The following SFMBT2 variants were observed in gnomAD, a reference collection of about 807,000 sequenced individuals.
The protein encoded by SFMBT2 is Scm like with four mbt domains 2.
SFMBT2 carries 38 observed loss-of-function variants against 110.1 expected under a neutral mutation model. The ratio of observed to expected loss-of-function variants is 0.35; its 90% CI spans 0.27 to 0.45. The LOEUF (loss-of-function observed/expected upper bound fraction) is 0.45. Ranked by LOEUF, SFMBT2 falls within the 20% of genes least tolerant of loss-of-function variation. The probability of loss-of-function intolerance (pLI) is 1.00; values close to 1 mark genes in which losing one functional copy is unlikely to be tolerated. For missense variants in SFMBT2, 1,011 were observed against 1,094.9 expected, an observed-to-expected ratio of 0.92 and a Z score of 1.08; for synonymous variants, 425 against 425.4, an observed-to-expected ratio of 1.00 and a Z score of 0.01.
In SFMBT2 at chr10:7,367,989, A is replaced by G. The variant is rs914917306; in HGVS notation, c.196-100T>C. ...AAAAAATATGGCACTTACAAACAAT[A>G]TTCCTGTTGCTCTAAAACAGGCATG... On this transcript the variant is annotated intron_variant, in intron 3 of 20. Transcript: ENST00000397167. The surrounding 1 kb of genome is among the most constrained non-coding windows in gnomAD (Gnocchi z 6.2). 6.8e-7 allele frequency: 1 copy of G among 1,469,652 alleles called. No individual in the cohort carries two copies. The highest frequency in any genetic ancestry group is 2.3e-5 in the Admixed American group (1 of 44,022). The allele number at this position is 1,469,652 out of a possible 1,614,324, so 91.0% of individuals were successfully genotyped here.
Position 7,188,676 on chromosome 10 carries a change from G to C in SFMBT2, c.1756C>G (p.Gln586Glu). 7 of 1,613,744 alleles carry C rather than the reference G, an allele frequency of 4.3e-6. No homozygotes were observed. The highest frequency in any genetic ancestry group is 5.9e-6 in the Non-Finnish European group (7 of 1,179,806). The change falls in exon 16 of 21, where the codon CAG becomes GAG. Residue 586 changes from glutamine (Q) to glutamate (E), a missense_variant. By Grantham distance (29) the Gln-to-Glu change is conservative (BLOSUM62 2). Transcript: ENST00000397167. ...TTCCAGTGGGGATCTTCTACCAGCT[G>C]TAATTCTCTTAATACCCTTCCAGGC... The part of the protein sequence containing the change: ...YKPGRVLREL[Q>E]LVEDPHWNFQ...
At chr10:7,316,714 C>A (rs1157586594) in intron 4 of SFMBT2, among the ~76,000 whole-genome samples, 1 of 152,128 alleles carries the variant, frequency 6.6e-6, no homozygotes, top group Non-Finnish European at 1.5e-5. Flanking sequence ...TGAAGAGGTT[C>A]CCCTTTCTGG....
At chr10:7,254,526 T>C (rs937379886) in intron 7 of SFMBT2, among the ~76,000 whole-genome samples, 1 of 152,122 alleles carries the variant, frequency 6.6e-6, no homozygotes, top group East Asian at 1.9e-4. Context: ...CTCATGATGA[T>C]AAAAGATTCT....
chr10:7,266,441 A>C (rs1841394907), intron 7 of SFMBT2, among the ~76,000 whole-genome samples: 1 of 152,184 alleles, frequency 6.6e-6, no homozygotes, highest in African/African-American at 2.4e-5. Flanking sequence ...GGAAGGGGCC[A>C]TGCAGGAATC....
intron 8 of SFMBT2, among the ~76,000 whole-genome samples, chr10:7,247,982 G>A (rs748609305): frequency 1.2e-4 from 19 of 152,104 alleles, no homozygotes; most frequent in Non-Finnish European, 2.1e-4. Flanking sequence ...CCAAAGTGCT[G>A]GGATTATAGA....
chr10:7,320,961 C>T (rs1223563365), intron 4 of SFMBT2, among the ~76,000 whole-genome samples: 1 of 152,192 alleles, frequency 6.6e-6, no homozygotes, highest in Admixed American at 6.5e-5. Flanking sequence ...CTAAAAAAAA[C>T]ACTCCTGTTA....
In SFMBT2 at chr10:7,175,821, A is replaced by G. The variant is rs2277223; in HGVS notation, c.1984+169T>C. On this transcript the variant is annotated intron_variant, in intron 17 of 20. Transcript: ENST00000397167. Reference sequence around the variant, plus strand: ...CCCCTCCGTATGTCAGGCTAAAAACACATGTATCTGCTACAGCAAATCCTT... The same window carrying G: ...CCCCTCCGTATGTCAGGCTAAAAACGCATGTATCTGCTACAGCAAATCCTT... Among the ~76,000 whole-genome samples the G allele has an allele frequency of 2.0e-5, 3 of 152,222 alleles. No homozygotes were observed. In the East Asian group the frequency reaches 5.8e-4, roughly 29 times the overall value.
At chr10:7,280,977 A>G (rs966067695) in intron 6 of SFMBT2, among the ~76,000 whole-genome samples, 2 of 152,206 alleles carry the variant, frequency 1.3e-5, no homozygotes, top group African/African-American at 4.8e-5. Flanking sequence ...GGAGTGGTTC[A>G]TGCCTGTAAG....
At chr10:7,282,537 G>C (rs1169727171) in intron 6 of SFMBT2, among the ~76,000 whole-genome samples, 2 of 152,216 alleles carry the variant, frequency 1.3e-5, no homozygotes, top group African/African-American at 4.8e-5. Flanking sequence ...AACACGACAG[G>C]CTCTTTGTTT....
intron 7 of SFMBT2, among the ~76,000 whole-genome samples, chr10:7,271,947 G>A (rs1444388817): frequency 6.6e-6 from 1 of 152,176 alleles, no homozygotes; most frequent in Non-Finnish European, 1.5e-5. Context: ...CACAACATGT[G>A]GGAATTCTGG....
Position 7,171,597 on chromosome 10 carries a change from C to T in SFMBT2, c.2415+298G>A, listed in dbSNP as rs1837873254. 2 of 983,740 alleles carry T rather than the reference C, an allele frequency of 2.0e-6. No individual in the cohort carries two copies. Among genetic ancestry groups the T allele is most frequent in the South Asian group, 9.4e-5 (2 of 21,264 alleles). 60.9% of individuals were successfully genotyped at this position (983,740 alleles called of 1,614,324 possible). On this transcript the variant is annotated intron_variant, in intron 19 of 20. Transcript: ENST00000397167. The surrounding 1 kb of genome is among the most constrained non-coding windows in gnomAD (Gnocchi z 4.9). Reference sequence around the variant, plus strand: ...GATGCGGGGAAGGAATTTCTGGAAACCCAGACTTCAAAGGAAACTGAGGAC... The same window carrying T: ...GATGCGGGGAAGGAATTTCTGGAAATCCAGACTTCAAAGGAAACTGAGGAC...
intron 1 of SFMBT2, among the ~76,000 whole-genome samples, chr10:7,391,540 A>G (rs1448632964): frequency 1.3e-5 from 2 of 151,888 alleles, no homozygotes; most frequent in Non-Finnish European, 2.9e-5. Context: ...CCACTGGAAG[A>G]CTTCCCCCTA....
At chr10:7,368,382 A>G in intron 3 of SFMBT2, 1 of 985,320 alleles carries the variant, frequency 1.0e-6, no homozygotes, top group Non-Finnish European at 1.2e-6. Context: ...GTTGATATCT[A>G]CCAGCCCTCA....
At position 7,367,832 on chromosome 10, in the gene SFMBT2, T is replaced by C; in HGVS notation, c.253A>G (p.Lys85Glu). 1 of 1,614,190 alleles carries C rather than the reference T, an allele frequency of 6.2e-7. No homozygotes were observed. ...ACCCAGTACGTGTCCGGGTTGTTCT[T>C]ATTAGCCACTTCCAATTTCATTCCT... The part of the protein sequence containing the change: ...QPGMKLEVAN[K>E]NNPDTYWVAT... Residue 85 changes from lysine to glutamate, a missense_variant, in exon 4 of 21, where the codon AAG (lysine) becomes GAG (glutamate). Physicochemically the swap from Lys to Glu is moderately conservative, Grantham distance 56. This residue lies in a region of SFMBT2 where 979 missense variants were observed against 1,016.1 expected (regional missense o/e 0.96). Coordinates refer to ENST00000397167, the MANE Select transcript of SFMBT2 (RefSeq NM_001387889.1). This position sits in a 1 kb window ranked among gnomAD's most constrained non-coding sequence, Gnocchi z 6.2.
chr10:7,204,042 G>A (rs145371672), intron 12 of SFMBT2: 220 of 243,578 alleles, frequency 9.0e-4, no homozygotes, highest in African/African-American at 4.9e-3. Flanking sequence ...TTAAGAGACA[G>A]GGGAAAAGAA....
In SFMBT2 at chr10:7,163,528, ACG is replaced by A; in HGVS notation, c.*240_*241del. ...CGTGGGTGAGCCAAGAAGCAGGCCC[ACG>A]TCTGGCAGGGTCTGATGCATGACTT... On this transcript the variant is annotated 3_prime_UTR_variant, in exon 21 of 21. Transcript: ENST00000397167. This position sits in a 1 kb window ranked among gnomAD's most constrained non-coding sequence, Gnocchi z 4.8. 1 of 433,870 alleles carries A rather than the reference ACG, an allele frequency of 2.3e-6. No individual in the cohort carries two copies. The allele number at this position is 433,870 out of a possible 1,614,324, so 26.9% of individuals were successfully genotyped here.
At chr10:7,316,497 G>A (rs559859528) in intron 4 of SFMBT2, among the ~76,000 whole-genome samples, 1 of 152,296 alleles carries the variant, frequency 6.6e-6, no homozygotes, top group African/African-American at 2.4e-5. Flanking sequence ...AGCAAGGTTG[G>A]AATGAACTAT....
intron 4 of SFMBT2, among the ~76,000 whole-genome samples, chr10:7,290,407 G>A (rs1842228269): frequency 6.6e-6 from 1 of 152,084 alleles, no homozygotes; most frequent in Admixed American, 6.5e-5. Context: ...TTGGAGAAGT[G>A]CCCACATCAC....
At chr10:7,360,853 A>G (rs1392057516) in intron 4 of SFMBT2, among the ~76,000 whole-genome samples, 1 of 152,224 alleles carries the variant, frequency 6.6e-6, no homozygotes, top group African/African-American at 2.4e-5. Flanking sequence ...TTCAGTGCCT[A>G]TTGAGAAAGG....
Sources: allele counts gnomAD v4.1 joint callset (sites outside exome capture counted in the v4.1 genomes callset), GRCh38; gene constraint gnomAD v4.1.1; regional missense constraint gnomAD v4.1.1; non-coding constraint Gnocchi (gnomAD v3.1); transcripts MANE v1.5; gene names NCBI Gene and HGNC (gene_info 2026-07-23, HGNC 2026-07-21).